Variants in PPP1R12A observed in about 807,000 individuals in gnomAD.
PPP1R12A encodes protein phosphatase 1 regulatory subunit 12A.
Under a neutral mutation model 139.6 loss-of-function variants are expected in PPP1R12A, and 19 were observed. The observed-to-expected ratio is 0.14, with a 90% CI of 0.09 to 0.20. The LOEUF (loss-of-function observed/expected upper bound fraction) is 0.20. Ranked by LOEUF, PPP1R12A falls within the 10% of genes least tolerant of loss-of-function variation. The pLI is 1.00. For missense variants in PPP1R12A, 925 were observed against 1,211.5 expected, an observed-to-expected ratio of 0.76 and a Z score of 3.51; for synonymous variants, 427 against 420.6, an observed-to-expected ratio of 1.02 and a Z score of -0.19.
chr12:79,863,784 G>A (rs994392297), intron 2 of PPP1R12A, among the ~76,000 whole-genome samples: 8 of 151,820 alleles, frequency 5.3e-5, no homozygotes, highest in Non-Finnish European at 1.0e-4. Context: ...AACAAGAAGA[G>A]CTAACTATCT....
chr12:79,845,671 C>T (rs1247573514), intron 2 of PPP1R12A, among the ~76,000 whole-genome samples: 1 of 152,004 alleles, frequency 6.6e-6, no homozygotes, highest in Non-Finnish European at 1.5e-5. Context: ...CCTGTCTCTA[C>T]TAAAAATACA....
intron 3 of PPP1R12A, among the ~76,000 whole-genome samples, chr12:79,840,204 G>GT (rs1045683187): frequency 6.6e-6 from 1 of 152,124 alleles, no homozygotes; most frequent in Non-Finnish European, 1.5e-5. Context: ...TGGAAATGGG[G>GT]TAACAGTAGT....
chr12:79,807,196 A>AT, intron 12 of PPP1R12A, 30 bp downstream of exon 12: 1 of 1,316,530 alleles, frequency 7.6e-7, no homozygotes, highest in Non-Finnish European at 1.0e-6. Flanking sequence ...AAATGAATAC[A>AT]TAAAAACCGC....
chr12:79,777,307 C>A (rs1011464691), intron 24 of PPP1R12A: 1 of 979,310 alleles, frequency 1.0e-6, no homozygotes, highest in Non-Finnish European at 1.2e-6. Context: ...AACTTAAATT[C>A]CAAAATCATC....
chr12:79,870,336 G>C (rs771471981), intron 2 of PPP1R12A, among the ~76,000 whole-genome samples: 1 of 151,876 alleles, frequency 6.6e-6, no homozygotes, highest in Non-Finnish European at 1.5e-5. Context: ...GGCTGGTCTC[G>C]AACTCCTGAG....
chr12:79,807,441 G>A, intron 11 of PPP1R12A, 111 bp from the exon 12 acceptor site: 4 of 651,118 alleles, frequency 6.1e-6, no homozygotes, highest in South Asian at 1.8e-5. Context: ...ACCTTTGGGA[G>A]GACACTTAGG....
chr12:79,919,541 T>A (rs547021635), intron 1 of PPP1R12A, among the ~76,000 whole-genome samples: 56 of 147,654 alleles, frequency 3.8e-4, no homozygotes, highest in Middle Eastern at 3.6e-3. Context: ...GGCAACAGAG[T>A]GAGACTCCAT....
At chr12:79,882,395 G>A (rs1883716369) in intron 1 of PPP1R12A, among the ~76,000 whole-genome samples, 1 of 152,156 alleles carries the variant, frequency 6.6e-6, no homozygotes, top group African/African-American at 2.4e-5. Context: ...TTCAGTGAAG[G>A]AAGTAACTGC....
At chr12:79,904,501 T>C (rs755681148) in intron 1 of PPP1R12A, among the ~76,000 whole-genome samples, 20 of 152,052 alleles carry the variant, frequency 1.3e-4, no homozygotes, top group Non-Finnish European at 2.8e-4. Context: ...CTTTCACATA[T>C]CCCTCTCATT....
At chr12:79,863,474 C>A (rs1299013235) in intron 2 of PPP1R12A, among the ~76,000 whole-genome samples, 1 of 151,956 alleles carries the variant, frequency 6.6e-6, no homozygotes, top group East Asian at 1.9e-4. Context: ...ACAATATTAA[C>A]CTTAAATGTA....
intron 1 of PPP1R12A, among the ~76,000 whole-genome samples, chr12:79,923,811 G>A (rs1321994402): frequency 6.6e-6 from 1 of 152,204 alleles, no homozygotes; most frequent in Non-Finnish European, 1.5e-5. Context: ...GGGAGGCTGA[G>A]GCGAGTGGAT....
intron 1 of PPP1R12A, among the ~76,000 whole-genome samples, chr12:79,896,495 C>A (rs1403076332): frequency 6.6e-6 from 1 of 151,908 alleles, no homozygotes; most frequent in African/African-American, 2.4e-5. Context: ...CCTTTCCCAG[C>A]TGATTTTTGT....
intron 1 of PPP1R12A, among the ~76,000 whole-genome samples, chr12:79,875,329 C>T (rs1049639823): frequency 6.6e-6 from 1 of 152,158 alleles, no homozygotes; most frequent in Admixed American, 6.5e-5. Context: ...AAAGTCTGTG[C>T]CATGTATTTG....
chr12:79,798,652 G>A, intron 14 of PPP1R12A, 68 bp from the exon 15 acceptor site: 1 of 841,654 alleles, frequency 1.2e-6, no homozygotes, highest in African/African-American at 1.7e-5. Flanking sequence ...ATCTATCAAT[G>A]CATATGAATA....
intron 3 of PPP1R12A, among the ~76,000 whole-genome samples, chr12:79,833,018 CCAT>C (rs1467054966): frequency 6.6e-6 from 1 of 152,110 alleles, no homozygotes; most frequent in African/African-American, 2.4e-5. Flanking sequence ...ATTCTTCATA[CCAT>C]TAAAGTTATT....
intron 14 of PPP1R12A, among the ~76,000 whole-genome samples, chr12:79,803,813 C>A (rs1040192140): frequency 8.6e-5 from 13 of 151,888 alleles, no homozygotes; most frequent in Non-Finnish European, 1.8e-4. Flanking sequence ...AAAAATATAT[C>A]CAAGCGTTTA....
intron 9 of PPP1R12A, among the ~76,000 whole-genome samples, chr12:79,810,756 T>C (rs566771156): frequency 6.6e-6 from 1 of 152,264 alleles, no homozygotes; most frequent in South Asian, 2.1e-4. Flanking sequence ...GTAGATAATA[T>C]AGCATGTGAC....
intron 2 of PPP1R12A, among the ~76,000 whole-genome samples, chr12:79,860,631 T>C (rs1565782979): frequency 6.6e-6 from 1 of 152,212 alleles, no homozygotes; most frequent in East Asian, 1.9e-4. Flanking sequence ...TTAAACTTTT[T>C]TTATAGGGTA....
At chr12:79,779,362 C>G in intron 23 of PPP1R12A, 5 of 1,288,876 alleles carry the variant, frequency 3.9e-6, no homozygotes, top group Non-Finnish European at 5.1e-6. Context: ...CTTTCAGATA[C>G]AAACCATTTA....
Sources: gnomAD v4.1 joint callset for allele counts (sites outside exome capture counted in the v4.1 genomes callset) on GRCh38, gnomAD v4.1.1 for gene constraint, MANE v1.5 for transcripts, NCBI Gene and HGNC (gene_info 2026-07-23, HGNC 2026-07-21) for gene names.